The following EEA1 variants were observed in gnomAD, a reference collection of about 807,000 sequenced individuals.
The protein encoded by EEA1 is early endosome antigen 1.
EEA1 carries 111 observed loss-of-function variants against 209.2 expected under a neutral mutation model. The ratio of observed to expected loss-of-function variants is 0.53; its 90% CI spans 0.45 to 0.62. The LOEUF (loss-of-function observed/expected upper bound fraction) is 0.62. Ranked by LOEUF, EEA1 falls within the 20% of genes least tolerant of loss-of-function variation. The probability of loss-of-function intolerance (pLI) is 0.00; values close to 1 mark genes in which losing one functional copy is unlikely to be tolerated. For synonymous variants in EEA1, 536 were observed against 540.6 expected, an observed-to-expected ratio of 0.99 and a Z score of 0.12; for missense variants, 1,343 against 1,530.8, an observed-to-expected ratio of 0.88 and a Z score of 2.05.
At chr12:92,925,197 A>AC (rs1881165561) in intron 1 of EEA1, among the ~76,000 whole-genome samples, 1 of 151,742 alleles carries the variant, frequency 6.6e-6, no homozygotes. Context: ...AAAAAAAAAA[A>AC]ACACTAATCA....
intron 18 of EEA1, among the ~76,000 whole-genome samples, chr12:92,808,730 T>C (rs1303481063): frequency 2.6e-5 from 4 of 152,162 alleles, no homozygotes; most frequent in African/African-American, 9.7e-5. Flanking sequence ...GTGAACAACA[T>C]AAAACAAGGT....
At position 92,832,532 on chromosome 12, in the gene EEA1, G is replaced by C; in HGVS notation, c.1234C>G (p.Leu412Val). The C allele has an allele frequency of 6.2e-7, 1 of 1,611,338 alleles. No homozygotes were observed. Among genetic ancestry groups the C allele is most frequent in the Non-Finnish European group, 8.5e-7 (1 of 1,179,178 alleles). Residue 412 changes from leucine (L) to valine (V), a missense_variant, in exon 11 of 29, where the codon CTC becomes GTC. Physicochemically the swap from Leu to Val is conservative, Grantham distance 32. This residue lies in a region of EEA1 where 1,307 missense variants were observed against 1,465.5 expected (regional missense o/e 0.89). Coordinates refer to ENST00000322349, the MANE Select transcript of EEA1 (RefSeq NM_003566.4). ...CTTACTTGATTAATTTCACTTTGGA[G>C]TTGTAACCCATGCTGCTCCTTTTCT... is the stretch of plus-strand genomic sequence containing the variant. ...REEKEQHGLQLQSEINQLHSK... is the reference protein window; with the variant it reads ...REEKEQHGLQVQSEINQLHSK...
At chr12:92,848,196 G>A (rs1877459673) in intron 9 of EEA1, among the ~76,000 whole-genome samples, 1 of 149,850 alleles carries the variant, frequency 6.7e-6, no homozygotes, top group African/African-American at 2.5e-5. Flanking sequence ...TGATTTCTAA[G>A]CCATTTTCCT....
intron 23 of EEA1, among the ~76,000 whole-genome samples, chr12:92,780,991 G>A (rs1873880545): frequency 6.6e-6 from 1 of 152,098 alleles, no homozygotes; most frequent in South Asian, 2.1e-4. Flanking sequence ...ACTCACTGCA[G>A]CCTTGACCTC....
At chr12:92,836,651 C>A (rs1876942705) in intron 10 of EEA1, among the ~76,000 whole-genome samples, 1 of 152,126 alleles carries the variant, frequency 6.6e-6, no homozygotes, top group Non-Finnish European at 1.5e-5. Flanking sequence ...ACCTAGCTCT[C>A]AAAATGAAAT....
chr12:92,862,360 T>C (rs1195210091), intron 3 of EEA1, among the ~76,000 whole-genome samples: 2 of 151,946 alleles, frequency 1.3e-5, no homozygotes, highest in Admixed American at 1.3e-4. Context: ...CTTTGGCAGG[T>C]TGAGGTGGGA....
chr12:92,816,487 A>G (rs556133925), intron 14 of EEA1, 87 bp from the exon 15 acceptor site: 1 of 1,262,850 alleles, frequency 7.9e-7, no homozygotes, highest in East Asian at 2.3e-5. Flanking sequence ...TGAGAATATT[A>G]AAGTGCTTTA....
intron 1 of EEA1, among the ~76,000 whole-genome samples, chr12:92,927,441 G>A (rs190871970): frequency 1.3e-5 from 2 of 152,292 alleles, no homozygotes; most frequent in Admixed American, 1.3e-4. Context: ...TTTAACAGTT[G>A]ATAGGTATGC....
chr12:92,794,848 T>C (rs976838670), intron 21 of EEA1, among the ~76,000 whole-genome samples: 5 of 151,956 alleles, frequency 3.3e-5, no homozygotes, highest in African/African-American at 1.2e-4. Flanking sequence ...ACCTGCATGT[T>C]GTGTACATGT....
Position 92,851,114 on chromosome 12 carries a change from T to C in EEA1, c.795A>G (p.Ser265=), listed in dbSNP as rs201350433. 141 of 1,613,208 alleles carry C rather than the reference T, an allele frequency of 8.7e-5. No homozygotes were observed. The African/African-American group carries it at 1.6e-3, about 18-fold the overall frequency. The change falls in exon 9 of 29, where the codon TCA becomes TCG. Residue 265 remains serine, a synonymous_variant. Transcript: ENST00000322349. The part of the protein sequence containing the change: ...CKKLQSQYAS[S]EATISQLRSE... ...TAAGTACAATGAACTTCATTACCTCTGAGCTAGCATATTGTGACTGCAATT... is the reference window on the plus strand; with the variant it reads ...TAAGTACAATGAACTTCATTACCTCCGAGCTAGCATATTGTGACTGCAATT...
At chr12:92,877,672 G>A (rs1408602180) in intron 2 of EEA1, among the ~76,000 whole-genome samples, 1 of 151,988 alleles carries the variant, frequency 6.6e-6, no homozygotes, top group Non-Finnish European at 1.5e-5. Context: ...GGGACTACAG[G>A]TGCGTGCCAC....
chr12:92,860,168 G>A (rs577568447), intron 3 of EEA1, among the ~76,000 whole-genome samples: 1 of 152,136 alleles, frequency 6.6e-6, no homozygotes, highest in African/African-American at 2.4e-5. Context: ...CCTAGCTCTA[G>A]AAAAAAAGGC....
intron 9 of EEA1, 45 bp from the exon 10 acceptor site, chr12:92,842,626 C>T (rs7300619): frequency 0.95 from 1,050,707 of 1,109,808 alleles, 497,724 homozygotes; most frequent in East Asian, 1. Context: ...ACTAAATTGT[C>T]TAAAAGATAA....
intron 3 of EEA1, chr12:92,859,241 T>G: frequency 6.2e-7 from 1 of 1,612,064 alleles, no homozygotes; most frequent in Non-Finnish European, 8.5e-7. Flanking sequence ...AGGGACAGCT[T>G]CCCATGGGAA....
In EEA1 at chr12:92,854,206, A is replaced by G. The variant is rs151030516; in HGVS notation, c.367-252T>C. On this transcript the variant is annotated intron_variant, in intron 5 of 28. Coordinates refer to ENST00000322349, the MANE Select transcript of EEA1 (RefSeq NM_003566.4). ...TTTGTATGTTAATATATATGAAGTTATTATGGTCATCTTAAATTCCATGAA... is the reference window on the plus strand; with the variant it reads ...TTTGTATGTTAATATATATGAAGTTGTTATGGTCATCTTAAATTCCATGAA... Among the ~76,000 whole-genome samples, 17 of 152,324 alleles carry G rather than the reference A, an allele frequency of 1.1e-4. No individual in the cohort carries two copies. In the East Asian group the frequency reaches 3.3e-3, roughly 29 times the overall value.
At chr12:92,834,186 C>G (rs999839202) in intron 10 of EEA1, among the ~76,000 whole-genome samples, 6 of 151,840 alleles carry the variant, frequency 4.0e-5, no homozygotes, top group Non-Finnish European at 5.9e-5. Context: ...AAAAAGTAAG[C>G]TAATGTTACT....
Position 92,813,736 on chromosome 12 carries a change from CAA to C in EEA1, c.1930-645_1930-644del, listed in dbSNP as rs543430705. Among the ~76,000 whole-genome samples the C allele has an allele frequency of 3.3e-3, 507 of 152,206 alleles. 2 individuals are homozygous for C. Among genetic ancestry groups the C allele is most frequent in the Middle Eastern group, 0.01 (3 of 294 alleles). The stretch of plus-strand genomic sequence containing the variant: ...CGAATACGAAAAGCAAAAAATAGGC[CAA>C]GTGCGGTGGCTCACACCTGTAATCC... On this transcript the variant is annotated intron_variant, in intron 15 of 28. Coordinates refer to ENST00000322349, the MANE Select transcript of EEA1 (RefSeq NM_003566.4).
chr12:92,890,961 G>C (rs1163807688), intron 2 of EEA1, among the ~76,000 whole-genome samples: 1 of 152,168 alleles, frequency 6.6e-6, no homozygotes, highest in Non-Finnish European at 1.5e-5. Context: ...GGCCTTCAAA[G>C]GGGCAACTGA....
At chr12:92,879,426 A>G in intron 2 of EEA1, 1 of 408,716 alleles carries the variant, frequency 2.4e-6, no homozygotes, top group South Asian at 1.8e-5. Flanking sequence ...ACAAGAGTAG[A>G]TCAACATTCA....
Sources: allele counts gnomAD v4.1 joint callset (sites outside exome capture counted in the v4.1 genomes callset), GRCh38; gene constraint gnomAD v4.1.1; regional missense constraint gnomAD v4.1.1; transcripts MANE v1.5; gene names NCBI Gene and HGNC (gene_info 2026-07-23, HGNC 2026-07-21).